The following CMSS1 variants were observed in gnomAD, a reference collection of about 807,000 sequenced individuals.
CMSS1 encodes the protein cms1 ribosomal small subunit homolog.
A neutral mutation model predicts 43.5 loss-of-function variants in CMSS1; 33 were observed. The ratio of observed to expected loss-of-function variants is 0.76; its 90% CI spans 0.57 to 1.01. The LOEUF is 1.01. Among genes scored for constraint, CMSS1 ranks in the 50% least tolerant of loss-of-function variants. The pLI is 0.00. For synonymous variants in CMSS1, 115 were observed against 117.2 expected, an observed-to-expected ratio of 0.98 and a Z score of 0.12; for missense variants, 313 against 326.4, an observed-to-expected ratio of 0.96 and a Z score of 0.32.
At chr3:100,064,128 G>C (rs955831411) in intron 1 of CMSS1, among the ~76,000 whole-genome samples, 4 of 152,218 alleles carry the variant, frequency 2.6e-5, no homozygotes, top group African/African-American at 9.6e-5. Flanking sequence ...GATTTTGAAA[G>C]TGAATTTGAG....
intron 1 of CMSS1, among the ~76,000 whole-genome samples, chr3:100,076,411 T>G (rs1241059289): frequency 6.6e-6 from 1 of 152,206 alleles, no homozygotes; most frequent in Non-Finnish European, 1.5e-5. Context: ...AACACCCTTC[T>G]TTTTCTTTTA....
At chr3:100,016,896 C>T (rs2107215689) in intron 1 of CMSS1, among the ~76,000 whole-genome samples, 1 of 152,244 alleles carries the variant, frequency 6.6e-6, no homozygotes, top group Middle Eastern at 3.4e-3. Flanking sequence ...TTAGTTGTGT[C>T]CAAAATATCA....
intron 1 of CMSS1, among the ~76,000 whole-genome samples, chr3:99,911,285 T>C (rs1706779623): frequency 6.7e-6 from 1 of 150,316 alleles, no homozygotes; most frequent in South Asian, 2.1e-4. Context: ...TTGCTCGTAA[T>C]AGTTTTCTGG....
chr3:99,954,804 C>G (rs1293796689), intron 1 of CMSS1, among the ~76,000 whole-genome samples: 1 of 151,554 alleles, frequency 6.6e-6, no homozygotes, highest in Non-Finnish European at 1.5e-5. Context: ...CCAGCCTGAG[C>G]CACAGAGCAA....
At position 99,981,886 on chromosome 3, in the gene CMSS1, C is replaced by G. The variant is rs574750578; in HGVS notation, c.64+163843C>G. Among the ~76,000 whole-genome samples, 31 of 152,278 alleles carry G rather than the reference C, an allele frequency of 2.0e-4. 2 individuals are homozygous for G. The East Asian group carries it at 5.6e-3, about 28-fold the overall frequency. Reference sequence around the variant, plus strand: ...AGGCATGGTGGCTCACACCTGTAATCCCAGCAAGGCGGGAGGATCGCTTGA... The same window carrying G: ...AGGCATGGTGGCTCACACCTGTAATGCCAGCAAGGCGGGAGGATCGCTTGA... On this transcript the variant is annotated intron_variant, in intron 1 of 9. Transcript: ENST00000421999.
chr3:99,819,718 A>G, intron 1 of CMSS1, among the ~76,000 whole-genome samples: 1 of 148,710 alleles, frequency 6.7e-6, no homozygotes, highest in East Asian at 2.0e-4. Context: ...CTTAAAGATC[A>G]TCTTTTTTAG....
chr3:100,012,073 G>A (rs1710173008), intron 1 of CMSS1, among the ~76,000 whole-genome samples: 1 of 152,028 alleles, frequency 6.6e-6, no homozygotes, highest in South Asian at 2.1e-4. Context: ...TGGTAAGCAA[G>A]GGATGAATAT....
At chr3:100,021,501 G>C (rs2064816613) in intron 1 of CMSS1, among the ~76,000 whole-genome samples, 1 of 152,066 alleles carries the variant, frequency 6.6e-6, no homozygotes, top group Non-Finnish European at 1.5e-5. Flanking sequence ...GTAATGTTTT[G>C]TTTTACTTCA....
intron 1 of CMSS1, among the ~76,000 whole-genome samples, chr3:100,103,298 A>G (rs1183705184): frequency 1.3e-5 from 2 of 152,200 alleles, no homozygotes; most frequent in African/African-American, 4.8e-5. Context: ...AGCCAGAAAC[A>G]CACATGCAGA....
chr3:99,952,010 T>C (rs1181520529), intron 1 of CMSS1, among the ~76,000 whole-genome samples: 1 of 152,174 alleles, frequency 6.6e-6, no homozygotes, highest in East Asian at 1.9e-4. Context: ...TAGTTGAAAT[T>C]TATTTTAAAA....
intron 1 of CMSS1, among the ~76,000 whole-genome samples, chr3:100,101,844 C>A (rs1208778982): frequency 6.6e-6 from 1 of 152,058 alleles, no homozygotes; most frequent in Non-Finnish European, 1.5e-5. Flanking sequence ...TTGTTCAATT[C>A]CCACCTACGA....
rs576035056 is a variant in CMSS1, at chr3:100,026,392, G to C, written c.65-120581G>C. On this transcript the variant is annotated intron_variant, in intron 1 of 9. Coordinates refer to ENST00000421999, the MANE Select transcript of CMSS1 (RefSeq NM_032359.4). ...ATTCAGAAGGCCAGACATAAAACAA[G>C]GAGCAAGGTCGATAGTGAACCAAAG... Among the ~76,000 whole-genome samples, 15 of 152,046 alleles carry C rather than the reference G, an allele frequency of 9.9e-5. No individual in the cohort carries two copies. In the South Asian group the frequency reaches 3.1e-3, roughly 32 times the overall value.
chr3:100,154,819 A>C (rs1464682536), intron 2 of CMSS1, among the ~76,000 whole-genome samples: 1 of 152,070 alleles, frequency 6.6e-6, no homozygotes, highest in African/African-American at 2.4e-5. Context: ...CAAAAAATAC[A>C]AAAGTAGCTA....
At chr3:99,905,525 T>A (rs910265807) in intron 1 of CMSS1, among the ~76,000 whole-genome samples, 11 of 152,242 alleles carry the variant, frequency 7.2e-5, no homozygotes, top group African/African-American at 2.4e-4. Context: ...AATCATTATT[T>A]CTCCATTTTT....
At chr3:100,154,608 C>T (rs2066954653) in intron 2 of CMSS1, among the ~76,000 whole-genome samples, 1 of 152,184 alleles carries the variant, frequency 6.6e-6, no homozygotes, top group African/African-American at 2.4e-5. Flanking sequence ...AATGAACATG[C>T]TTGTTTTGTT....
At position 100,041,595 on chromosome 3, in the gene CMSS1, AT is replaced by A. The variant is rs552159684; in HGVS notation, c.65-105377del. On this transcript the variant is annotated intron_variant, in intron 1 of 9. Transcript: ENST00000421999. ...TAGCCAAACTAAGGCTACAAAAAAAATAAAAATAAAAATTACAGGAAAGATG... is the reference window on the plus strand; with the variant it reads ...TAGCCAAACTAAGGCTACAAAAAAAAAAAAATAAAAATTACAGGAAAGATG... Among the ~76,000 whole-genome samples, 705 of 152,346 alleles carry A rather than the reference AT, an allele frequency of 4.6e-3. 5 individuals carry two copies. The highest frequency in any genetic ancestry group is 0.016 in the African/African-American group (671 of 41,570).
At chr3:99,994,252 C>CT (rs1256548473) in intron 1 of CMSS1, among the ~76,000 whole-genome samples, 1 of 152,006 alleles carries the variant, frequency 6.6e-6, no homozygotes, top group Non-Finnish European at 1.5e-5. Flanking sequence ...ATTACTAGAC[C>CT]TAAAGAAAGA....
At chr3:100,060,863 AAAAAAT>A (rs1390380389) in intron 1 of CMSS1, among the ~76,000 whole-genome samples, 1 of 152,156 alleles carries the variant, frequency 6.6e-6, no homozygotes, top group Non-Finnish European at 1.5e-5. Context: ...TCTTGTCTCG[AAAAAAT>A]AAAAATAAAA....
intron 1 of CMSS1, among the ~76,000 whole-genome samples, chr3:100,000,918 C>T (rs917565490): frequency 4.6e-5 from 7 of 152,164 alleles, no homozygotes; most frequent in South Asian, 2.1e-4. Flanking sequence ...AGTTGACCTA[C>T]GGCAAGACAC....
Sources: gnomAD v4.1 joint callset for allele counts (sites outside exome capture counted in the v4.1 genomes callset) on GRCh38, gnomAD v4.1.1 for gene constraint, MANE v1.5 for transcripts, NCBI Gene and HGNC (gene_info 2026-07-23, HGNC 2026-07-21) for gene names.